CSMD1: variants seen among roughly 807,000 people sequenced by gnomAD.
CSMD1 encodes the protein CUB and sushi domain-containing protein 1.
A neutral mutation model predicts 417.5 loss-of-function variants in CSMD1; 213 were observed. The observed-to-expected ratio is 0.51, with a 90% CI of 0.46 to 0.57. CSMD1 has a LOEUF of 0.57. Among genes scored for constraint, CSMD1 ranks in the 20% least tolerant of loss-of-function variants. The probability of loss-of-function intolerance (pLI) is 0.00; values close to 1 mark genes in which losing one functional copy is unlikely to be tolerated. For missense variants in CSMD1, 6,923 were observed against 4,529.7 expected (o/e 1.53, Z -15.17); for synonymous variants, 2,862 against 1,736.8 (o/e 1.65, Z -16.11).
At chr8:4,428,937 T>A (rs1038187452) in intron 2 of CSMD1, among the ~76,000 whole-genome samples, 23 of 152,076 alleles carry the variant, frequency 1.5e-4, no homozygotes, top group African/African-American at 4.3e-4. Context: ...TGGTCTCAGA[T>A]TCCTGACTTG....
chr8:4,276,524 T>G (rs1162722398), intron 3 of CSMD1, among the ~76,000 whole-genome samples: 1 of 152,184 alleles, frequency 6.6e-6, no homozygotes, highest in African/African-American at 2.4e-5. Context: ...CAAACCACCA[T>G]GGCACATGTT....
At chr8:3,729,103 G>C (rs748112589) in intron 6 of CSMD1, among the ~76,000 whole-genome samples, 11 of 152,166 alleles carry the variant, frequency 7.2e-5, no homozygotes, top group Non-Finnish European at 1.0e-4. Flanking sequence ...GGAAGTAAAG[G>C]TTTCGAGCTA....
At chr8:3,671,250 ATATATATG>A (rs1177277383) in intron 7 of CSMD1, among the ~76,000 whole-genome samples, 5 of 136,798 alleles carry the variant, frequency 3.7e-5, no homozygotes, top group Admixed American at 7.7e-5. Flanking sequence ...TGTGTGGGAT[ATATATATG>A]TATATATATA....
intron 31 of CSMD1, among the ~76,000 whole-genome samples, chr8:3,205,105 G>T (rs1797179109): frequency 6.6e-6 from 1 of 152,156 alleles, no homozygotes; most frequent in Non-Finnish European, 1.5e-5. Context: ...ATCATGATCT[G>T]GTTACTGAGT....
intron 57 of CSMD1, 97 bp downstream of exon 57, chr8:2,973,020 A>C: frequency 2.5e-6 from 3 of 1,198,378 alleles, no homozygotes; most frequent in Non-Finnish European, 3.5e-6. Flanking sequence ...TAAATAGTAC[A>C]AACCTCTAGA....
At chr8:4,283,709 T>G (rs1397477735) in intron 3 of CSMD1, among the ~76,000 whole-genome samples, 1 of 152,184 alleles carries the variant, frequency 6.6e-6, no homozygotes, top group Non-Finnish European at 1.5e-5. Context: ...GCACACACTT[T>G]TTATTCTTTT....
chr8:4,123,101 G>GA (rs1255398084), intron 3 of CSMD1, among the ~76,000 whole-genome samples: 1 of 152,140 alleles, frequency 6.6e-6, no homozygotes, highest in Admixed American at 6.6e-5. Flanking sequence ...TTGGAAAACA[G>GA]AAAAATGATC....
intron 3 of CSMD1, among the ~76,000 whole-genome samples, chr8:4,205,547 G>C (rs1235667941): frequency 2.6e-5 from 4 of 152,164 alleles, no homozygotes; most frequent in Non-Finnish European, 5.9e-5. Context: ...GACATTGAAA[G>C]TTGACGGAAC....
At chr8:4,704,366 T>C (rs538298577) in intron 1 of CSMD1, among the ~76,000 whole-genome samples, 5 of 152,374 alleles carry the variant, frequency 3.3e-5, no homozygotes, top group African/African-American at 7.2e-5. Context: ...ACAGTACTTA[T>C]TGCAATCAGT....
At chr8:4,357,356 T>C (rs1429151627) in intron 3 of CSMD1, among the ~76,000 whole-genome samples, 1 of 152,218 alleles carries the variant, frequency 6.6e-6, no homozygotes, top group East Asian at 1.9e-4. Flanking sequence ...AACAGGATCG[T>C]AGAGCTGAGC....
At chr8:3,784,700 A>G (rs1799355339) in intron 5 of CSMD1, among the ~76,000 whole-genome samples, 1 of 152,234 alleles carries the variant, frequency 6.6e-6, no homozygotes, top group African/African-American at 2.4e-5. Flanking sequence ...ATTCCTGGAA[A>G]TATGCTATTA....
chr8:3,860,799 C>G (rs529722578), intron 5 of CSMD1, among the ~76,000 whole-genome samples: 9 of 152,266 alleles, frequency 5.9e-5, no homozygotes, highest in Middle Eastern at 6.8e-3. Context: ...CAACACTTAA[C>G]TCTAACCATA....
At chr8:4,107,439 C>G (rs1434980860) in intron 3 of CSMD1, among the ~76,000 whole-genome samples, 1 of 152,144 alleles carries the variant, frequency 6.6e-6, no homozygotes, top group East Asian at 1.9e-4. Context: ...CACATTGGTA[C>G]GGATTTGTTT....
At chr8:4,388,741 A>G (rs1263192820) in intron 3 of CSMD1, among the ~76,000 whole-genome samples, 1 of 152,216 alleles carries the variant, frequency 6.6e-6, no homozygotes, top group Non-Finnish European at 1.5e-5. Context: ...CTTGGCAGAA[A>G]AAAGTAAAAA....
At chr8:3,702,441 G>C (rs1415413151) in intron 7 of CSMD1, among the ~76,000 whole-genome samples, 1 of 152,202 alleles carries the variant, frequency 6.6e-6, no homozygotes, top group Non-Finnish European at 1.5e-5. Context: ...ATCTACTTTA[G>C]TAATCCTCAC....
At chr8:3,038,669 G>C (rs1223777682) in intron 50 of CSMD1, among the ~76,000 whole-genome samples, 1 of 151,430 alleles carries the variant, frequency 6.6e-6, no homozygotes. Flanking sequence ...CTCAAATTAA[G>C]AATATCCTTA....
intron 12 of CSMD1, among the ~76,000 whole-genome samples, chr8:3,458,192 G>C (rs949964928): frequency 6.6e-6 from 1 of 152,148 alleles, no homozygotes; most frequent in African/African-American, 2.4e-5. Flanking sequence ...GGAAGGGAGA[G>C]TGCAATGTAG....
chr8:4,457,838 A>C (rs1799579727), intron 2 of CSMD1, among the ~76,000 whole-genome samples: 1 of 152,056 alleles, frequency 6.6e-6, no homozygotes, highest in Admixed American at 6.5e-5. Context: ...ACAGCTTTGC[A>C]GTGACTTCCG....
At chr8:4,558,189 G>C (rs1405478458) in intron 2 of CSMD1, among the ~76,000 whole-genome samples, 1 of 152,236 alleles carries the variant, frequency 6.6e-6, no homozygotes, top group East Asian at 1.9e-4. Context: ...ATCTAAACAA[G>C]AGCAGGATGT....
Sources: allele counts gnomAD v4.1 joint callset (sites outside exome capture counted in the v4.1 genomes callset), GRCh38; gene constraint gnomAD v4.1.1; transcripts MANE v1.5; gene names NCBI Gene and HGNC (gene_info 2026-07-23, HGNC 2026-07-21).